Variants in WASF3 observed in about 807,000 individuals in gnomAD.
WASF3 encodes WASP family member 3, also known as actin-binding protein WASF3.
WASF3 carries 11 observed loss-of-function variants against 46.6 expected under a neutral mutation model. That is an observed-to-expected ratio of 0.24 (90% confidence interval 0.15 to 0.39). The LOEUF is 0.39. Among genes scored for constraint, WASF3 ranks in the 10% least tolerant of loss-of-function variants. WASF3 has a pLI of 1.00. For missense variants in WASF3, 576 were observed against 669.8 expected (o/e 0.86, Z 1.55); for synonymous variants, 242 against 259.7 (o/e 0.93, Z 0.65).
chr13:26,598,947 T>C (rs1210975295), intron 1 of WASF3, among the ~76,000 whole-genome samples: 2 of 152,204 alleles, frequency 1.3e-5, no homozygotes, highest in South Asian at 2.1e-4. Context: ...CTTGGCTCGC[T>C]GCATCCTCTG....
chr13:26,651,136 A>G (rs1012657266), intron 3 of WASF3, among the ~76,000 whole-genome samples: 1 of 152,176 alleles, frequency 6.6e-6, no homozygotes, highest in African/African-American at 2.4e-5. Context: ...AGCCTCGCCA[A>G]CATGATGAAA....
rs7989203 is a variant in WASF3 at position 26,646,668 on chromosome 13, C to T, written c.133+4265C>T. Among the ~76,000 whole-genome samples, 985 of 152,256 alleles carry T rather than the reference C, an allele frequency of 6.5e-3. 11 individuals carry two copies. Among genetic ancestry groups the T allele is most frequent in the African/African-American group, 0.023 (943 of 41,538 alleles). On this transcript the variant is annotated intron_variant, in intron 3 of 9. Transcript: ENST00000335327. ...GACTAGACTTTCTCTACATATGTAT[C>T]TTAGGGGAAACACCAGTGCAACTTA...
At chr13:26,579,856 G>C (rs1442845898) in intron 1 of WASF3, among the ~76,000 whole-genome samples, 2 of 152,184 alleles carry the variant, frequency 1.3e-5, no homozygotes, top group Non-Finnish European at 2.9e-5. Context: ...TCATGCTGAA[G>C]ATGCTTTCTA....
intron 1 of WASF3, among the ~76,000 whole-genome samples, chr13:26,567,671 G>T (rs1435908948): frequency 6.7e-6 from 1 of 148,544 alleles, no homozygotes; most frequent in South Asian, 2.1e-4. Context: ...TCACATTGTA[G>T]TAGGTGAGAA....
At chr13:26,669,758 C>T (rs1882876902) in intron 5 of WASF3, among the ~76,000 whole-genome samples, 1 of 152,222 alleles carries the variant, frequency 6.6e-6, no homozygotes, top group African/African-American at 2.4e-5. Flanking sequence ...AGGTGATCCA[C>T]CTGCCTCGGC....
At chr13:26,587,533 A>G (rs190971101) in intron 1 of WASF3, among the ~76,000 whole-genome samples, 80 of 152,336 alleles carry the variant, frequency 5.3e-4, no homozygotes, top group South Asian at 1.2e-3. Flanking sequence ...AGTATGTAGC[A>G]TGATTGTATC....
At chr13:26,639,896 A>C (rs535337972) in intron 2 of WASF3, 11 of 152,516 alleles carry the variant, frequency 7.2e-5, no homozygotes, top group African/African-American at 2.6e-4. Flanking sequence ...ACAAAGGGGA[A>C]GCAGAGTCAG....
In WASF3 at chr13:26,567,704, A is replaced by AT. The variant is rs1409514402; in HGVS notation, c.-109+9885_-109+9886insT. Among the ~76,000 whole-genome samples, 330 of 151,402 alleles carry AT rather than the reference A, an allele frequency of 2.2e-3. 1 individual carries two copies. Among genetic ancestry groups the AT allele is most frequent in the Non-Finnish European group, 2.6e-3 (176 of 67,840 alleles). On this transcript the variant is annotated intron_variant, in intron 1 of 9. Coordinates refer to ENST00000335327, the MANE Select transcript of WASF3 (RefSeq NM_006646.6). ...GAAAGCTAATAAACGACATTAAAAA[A>AT]AAAATATATATATATATAATCTCCC...
intron 2 of WASF3, among the ~76,000 whole-genome samples, chr13:26,630,918 G>A (rs559159162): frequency 0.02 from 3,105 of 152,278 alleles, 121 homozygotes; most frequent in African/African-American, 0.07. Context: ...CAGTGATGAT[G>A]AGCATTTTTT....
chr13:26,676,442 C>T (rs1883070083), intron 6 of WASF3, 107 bp from the exon 7 acceptor site: 11 of 1,237,558 alleles, frequency 8.9e-6, no homozygotes, highest in Middle Eastern at 2.4e-4. Context: ...GCGAATGTGT[C>T]TTGTCTGTTC....
intron 3 of WASF3, among the ~76,000 whole-genome samples, chr13:26,649,399 A>G (rs1882245506): frequency 2.0e-5 from 3 of 152,212 alleles, no homozygotes; most frequent in Admixed American, 2.0e-4. Context: ...GTAGTTATGA[A>G]AAATTTATTG....
At chr13:26,569,339 G>T (rs1190724794) in intron 1 of WASF3, among the ~76,000 whole-genome samples, 1 of 152,184 alleles carries the variant, frequency 6.6e-6, no homozygotes, top group East Asian at 1.9e-4. Flanking sequence ...CTATCAGCTT[G>T]TTGGGAAAAG....
intron 6 of WASF3, among the ~76,000 whole-genome samples, chr13:26,674,729 C>T (rs1883012813): frequency 6.6e-6 from 1 of 152,044 alleles, no homozygotes. Flanking sequence ...AGTGGTTATC[C>T]CTCTACTTAG....
chr13:26,661,122 T>A (rs893657723), intron 3 of WASF3, among the ~76,000 whole-genome samples: 1 of 152,174 alleles, frequency 6.6e-6, no homozygotes, highest in African/African-American at 2.4e-5. Context: ...ACCTCCAACA[T>A]TGGGGATCAC....
chr13:26,680,275 GC>G (rs768015224), intron 7 of WASF3: 4 of 1,444,006 alleles, frequency 2.8e-6, no homozygotes, highest in Admixed American at 2.5e-5. Context: ...AGGATGTACA[GC>G]CCCTCCTGGC....
chr13:26,562,857 T>TCCTCC (rs1481955412), intron 1 of WASF3, among the ~76,000 whole-genome samples: 3 of 96,702 alleles, frequency 3.1e-5, no homozygotes, highest in African/African-American at 4.4e-5. Context: ...CCCTCCCCTC[T>TCCTCC]CCTCCCCTCC....
chr13:26,540,270 C>G, the WASF3 span, among the ~76,000 whole-genome samples: 2 of 152,166 alleles, frequency 1.3e-5, no homozygotes, highest in Non-Finnish European at 2.9e-5. Flanking sequence ...CCCCCTCTCC[C>G]AAGGCAACAG....
intron 3 of WASF3, among the ~76,000 whole-genome samples, chr13:26,653,121 C>T (rs976844904): frequency 1.3e-5 from 2 of 152,190 alleles, no homozygotes; most frequent in Admixed American, 6.5e-5. Context: ...TCTGCATCCA[C>T]GTGTCCTGTT....
intron 1 of WASF3, among the ~76,000 whole-genome samples, chr13:26,570,952 T>G (rs1315872097): frequency 6.6e-6 from 1 of 152,230 alleles, no homozygotes; most frequent in Non-Finnish European, 1.5e-5. Context: ...TATAGCCTGC[T>G]AGTTAGAGGA....
Sources: allele counts gnomAD v4.1 joint callset (sites outside exome capture counted in the v4.1 genomes callset), GRCh38; gene constraint gnomAD v4.1.1; transcripts MANE v1.5; gene names NCBI Gene and HGNC (gene_info 2026-07-23, HGNC 2026-07-21).